MPIG6B: variants seen among roughly 807,000 people sequenced by gnomAD.
The protein encoded by MPIG6B is immunoglobulin receptor.
In MPIG6B, 22 loss-of-function variants were observed where a neutral mutation model predicts 24.2. That is an observed-to-expected ratio of 0.91 (90% CI 0.65 to 1.30). MPIG6B has a LOEUF of 1.30. MPIG6B is among the 50% of genes most tolerant of loss of function. The pLI is 0.00. For missense variants in MPIG6B, 301 were observed against 318.5 expected (o/e 0.94, Z 0.42); for synonymous variants, 136 against 142.0 (o/e 0.96, Z 0.30).
chr6:31,720,383 C>T (rs1410480796), upstream of MPIG6B, among the ~76,000 whole-genome samples: 2 of 152,126 alleles, frequency 1.3e-5, no homozygotes, highest in Admixed American at 6.6e-5. The surrounding 1 kb of genome is among the most constrained non-coding windows in gnomAD (Gnocchi z 4.9). Context: ...GGAAAGTGGG[C>T]GGCAGGTAAG....
chr6:31,721,291 A>G (rs1806766702), upstream of MPIG6B, among the ~76,000 whole-genome samples: 1 of 152,038 alleles, frequency 6.6e-6, no homozygotes, highest in Non-Finnish European at 1.5e-5. Flanking sequence ...GACTCTGGAG[A>G]GTTGCATATT....
chr6:31,723,525 G>A lies in MPIG6B; in HGVS notation c.61+81G>A. The A allele has an allele frequency of 6.8e-7, 1 of 1,466,810 alleles. No homozygotes were observed. The highest frequency in any genetic ancestry group is 1.2e-5 in the South Asian group (1 of 85,856). The allele number at this position is 1,466,810 out of a possible 1,614,324, so 90.9% of individuals were successfully genotyped here. A position where few individuals can be genotyped will look rare whatever the true frequency, so the allele number is the denominator to read the frequency against. On this transcript the variant is annotated intron_variant, in intron 1 of 5. Transcript: ENST00000649779. This position sits in a 1 kb window ranked among gnomAD's most constrained non-coding sequence, Gnocchi z 4.3. ...GGCCGCCTAGTAGGGTGGGTTGTGTGTGGGAAGATCCAGGATGGCTGGAGT... is the reference window on the plus strand; with the variant it reads ...GGCCGCCTAGTAGGGTGGGTTGTGTATGGGAAGATCCAGGATGGCTGGAGT...
intron 3 of MPIG6B, 163 bp downstream of exon 3, chr6:31,724,395 T>C (rs1313413886): frequency 1.3e-6 from 1 of 746,716 alleles, no homozygotes; most frequent in Non-Finnish European, 2.3e-6. Context: ...GACTGGTGAG[T>C]AGAGCCCCAC....
upstream of MPIG6B, chr6:31,721,568 G>C (rs1460087477): frequency 1.3e-6 from 2 of 1,526,460 alleles, no homozygotes; most frequent in Non-Finnish European, 1.8e-6. Flanking sequence ...GAAGTGGGTA[G>C]AGCAGGGTGT....
upstream of MPIG6B, chr6:31,721,825 A>C (rs932605750): frequency 1.8e-5 from 14 of 766,246 alleles, no homozygotes; most frequent in African/African-American, 5.2e-5. Context: ...CTCCCTTCTC[A>C]CTTACTACGC....
At chr6:31,721,557 G>C, upstream of MPIG6B, 1 of 1,451,160 alleles carries the variant, frequency 6.9e-7, no homozygotes, top group Non-Finnish European at 9.6e-7. Flanking sequence ...GGTAGGGCCG[G>C]GAAGTGGGTA....
chr6:31,722,845 C>CAAAAAA (rs9281563), upstream of MPIG6B, among the ~76,000 whole-genome samples: 32 of 74,332 alleles, frequency 4.3e-4, no homozygotes, highest in African/African-American at 7.8e-4. Context: ...GACTCTGACT[C>CAAAAAA]AAAAAAAAAA....
At position 31,726,133 on chromosome 6, in the gene MPIG6B, C is replaced by T. The variant is rs561750600; in HGVS notation, c.*1059C>T. 4 of 152,624 alleles carry T rather than the reference C, an allele frequency of 2.6e-5. No homozygotes were observed. Among genetic ancestry groups the T allele is most frequent in the Admixed American group, 6.5e-5 (1 of 15,292 alleles). 9.5% of individuals were successfully genotyped at this position (152,624 alleles called of 1,614,324 possible). Reference sequence around the variant, plus strand: ...TCTGCTCACTTCCTTCCTGGATTACCCATAGCCCCACCTCATCCTCCTACC... The same window carrying T: ...TCTGCTCACTTCCTTCCTGGATTACTCATAGCCCCACCTCATCCTCCTACC... On this transcript the variant is annotated 3_prime_UTR_variant, in exon 6 of 6. Transcript: ENST00000649779. This position sits in a 1 kb window ranked among gnomAD's most constrained non-coding sequence, Gnocchi z 5.1.
upstream of MPIG6B, chr6:31,721,905 A>T (rs1395123446): frequency 1.9e-6 from 1 of 522,760 alleles, no homozygotes; most frequent in Non-Finnish European, 3.4e-6. Context: ...GGGATGGGAG[A>T]GAGGGATGGG....
chr6:31,725,136 C>G lies in MPIG6B; in HGVS notation c.*62C>G, dbSNP rs1807246306. 8.0e-7 allele frequency: 1 copy of G among 1,249,686 alleles called. No homozygotes were observed. Among genetic ancestry groups the G allele is most frequent in the South Asian group, 1.2e-5 (1 of 81,924 alleles). 77.4% of individuals were successfully genotyped at this position (1,249,686 alleles called of 1,614,324 possible). A position where few individuals can be genotyped will look rare whatever the true frequency, so the allele number is the denominator to read the frequency against. ...ATCCCAGCTCCCCATAATCCCTCTC[C>G]CCTCCTTGGTTCCTCACCTGGAAGA... On this transcript the variant is annotated 3_prime_UTR_variant, in exon 6 of 6. Coordinates refer to ENST00000649779, the MANE Select transcript of MPIG6B (RefSeq NM_138272.3). This position sits in a 1 kb window ranked among gnomAD's most constrained non-coding sequence, Gnocchi z 5.2.
Position 31,724,793 on chromosome 6 carries a change from G to T in MPIG6B, c.570G>T (p.Arg190Ser). The T allele has an allele frequency of 1.2e-6, 2 of 1,614,040 alleles. No individual in the cohort carries two copies. Among genetic ancestry groups the T allele is most frequent in the Non-Finnish European group, 1.7e-6 (2 of 1,180,022 alleles). Residue 190 changes from arginine to serine, a missense_variant, in exon 5 of 6, where the codon AGG becomes AGT. By Grantham distance (110) the Arg-to-Ser change is moderately radical (BLOSUM62 -1). Transcript: ENST00000649779. The stretch of plus-strand genomic sequence containing the variant: ...CACTTGTGAAAACCGAGCCCCAGAG[G>T]CCAGTAAAGGAGGAAGAGCCCAAGA... ...FAPLVKTEPQ[R>S]PVKEEEPKIP...
chr6:31,721,352 A>G (rs1440608685), upstream of MPIG6B, among the ~76,000 whole-genome samples: 1 of 152,100 alleles, frequency 6.6e-6, no homozygotes, highest in East Asian at 1.9e-4. Context: ...AGGAGGAGAC[A>G]CCTTGGAGTG....
chr6:31,725,328 TC>T lies in MPIG6B; in HGVS notation c.*256del. On this transcript the variant is annotated 3_prime_UTR_variant, in exon 6 of 6. Coordinates refer to ENST00000649779, the MANE Select transcript of MPIG6B (RefSeq NM_138272.3). This position sits in a 1 kb window ranked among gnomAD's most constrained non-coding sequence, Gnocchi z 5.2. ...TCTCTATACCCAATCAAGCCCTAGC[TC>T]CTTTTTTTTTTTTTTTTGAGACGGA... 1 of 437,916 alleles carries T rather than the reference TC, an allele frequency of 2.3e-6. No individual in the cohort carries two copies. The highest frequency in any genetic ancestry group is 4.0e-6 in the Non-Finnish European group (1 of 248,990). 27.1% of individuals were successfully genotyped at this position (437,916 alleles called of 1,614,324 possible).
At position 31,723,714 on chromosome 6, in the gene MPIG6B, G is replaced by A; in HGVS notation, c.137G>A (p.Trp46Ter). The change falls in exon 2 of 6, where the codon TGG (tryptophan) becomes TAG (stop). Residue 46 changes from tryptophan (W) to a stop codon, truncating the protein, a stop_gained. Coordinates refer to ENST00000649779, the MANE Select transcript of MPIG6B (RefSeq NM_138272.3). LOFTEE classifies it high-confidence loss of function. The surrounding 1 kb of genome is among the most constrained non-coding windows in gnomAD (Gnocchi z 4.3). ...GTCTCTCATCCCATCCGCTGGGTCT[G>A]GGCACCCAGCTTCCCGGCCTGCAAG... ...GGVSHPIRWV[W>*]APSFPACKGL... 2 of 1,612,416 alleles carry A rather than the reference G, an allele frequency of 1.2e-6. No individual in the cohort carries two copies. The highest frequency in any genetic ancestry group is 1.7e-6 in the Non-Finnish European group (2 of 1,179,710).
At chr6:31,721,915 G>C (rs1806817252), upstream of MPIG6B, 1 of 518,404 alleles carries the variant, frequency 1.9e-6, no homozygotes. Context: ...AGAGGGATGG[G>C]GGAAGGCAGG....
Position 31,725,156 on chromosome 6 carries a change from G to A in MPIG6B, c.*82G>A, listed in dbSNP as rs1807249000. 4.1e-6 allele frequency: 4 copies of A among 977,278 alleles called. No individual in the cohort carries two copies. The highest frequency in any genetic ancestry group is 4.8e-5 in the East Asian group (2 of 41,336). The allele number at this position is 977,278 out of a possible 1,614,324, so 60.5% of individuals were successfully genotyped here. ...CTCTCCCCTCCTTGGTTCCTCACCT[G>A]GAAGAGGAAGGCACCATGGTATAGA... On this transcript the variant is annotated 3_prime_UTR_variant, in exon 6 of 6. Transcript: ENST00000649779. The surrounding 1 kb of genome is among the most constrained non-coding windows in gnomAD (Gnocchi z 5.2).
At position 31,724,759 on chromosome 6, in the gene MPIG6B, A is replaced by C. The variant is rs891201781; in HGVS notation, c.542-6A>C. 2 of 1,613,686 alleles carry C rather than the reference A, an allele frequency of 1.2e-6. No individual in the cohort carries two copies. The highest frequency in any genetic ancestry group is 2.7e-5 in the African/African-American group (2 of 74,768). ...TCCATCCTTCAGCTCTGTCCCCCCC[A>C]CATAGCTCCACTTGTGAAAACCGAG... On this transcript the variant is annotated splice_polypyrimidine_tract_variant and splice_region_variant and intron_variant, in intron 4 of 5. Transcript: ENST00000649779.
Position 31,724,581 on chromosome 6 carries a change from T to C in MPIG6B, c.501-6T>C. ...TGGTTCTCAAAGACTCATATGTCCCTTACAGGCGCCTGCCCCCGCAACCGA... is the reference window on the plus strand; with the variant it reads ...TGGTTCTCAAAGACTCATATGTCCCCTACAGGCGCCTGCCCCCGCAACCGA... On this transcript the variant is annotated splice_polypyrimidine_tract_variant and splice_region_variant and intron_variant, in intron 3 of 5. Coordinates refer to ENST00000649779, the MANE Select transcript of MPIG6B (RefSeq NM_138272.3). 1.9e-6 allele frequency: 3 copies of C among 1,613,026 alleles called. No individual in the cohort carries two copies. The highest frequency in any genetic ancestry group is 2.5e-6 in the Non-Finnish European group (3 of 1,178,968).
chr6:31,725,180 GA>G lies in MPIG6B; in HGVS notation c.*109del. On this transcript the variant is annotated 3_prime_UTR_variant, in exon 6 of 6. Transcript: ENST00000649779. This position sits in a 1 kb window ranked among gnomAD's most constrained non-coding sequence, Gnocchi z 5.2. ...TGGAAGAGGAAGGCACCATGGTATA[GA>G]AATAAGTGCTAGACTGGGAGTTGGG... The G allele has an allele frequency of 1.3e-6, 1 of 795,600 alleles. No homozygotes were observed. Among genetic ancestry groups the G allele is most frequent in the Non-Finnish European group, 2.1e-6 (1 of 482,298 alleles). 49.3% of individuals were successfully genotyped at this position (795,600 alleles called of 1,614,324 possible).
Sources: gnomAD v4.1 joint callset for allele counts (sites outside exome capture counted in the v4.1 genomes callset) on GRCh38, gnomAD v4.1.1 for gene constraint, Gnocchi (gnomAD v3.1) non-coding constraint, MANE v1.5 for transcripts, NCBI Gene and HGNC (gene_info 2026-07-23, HGNC 2026-07-21) for gene names.